Variants in HEMK2 observed in about 807,000 individuals in gnomAD.
HEMK2 encodes the protein methyltransferase HEMK2.
chr21:28,780,324 C>T, the HEMK2 span, among the ~76,000 whole-genome samples: 7 of 151,924 alleles, frequency 4.6e-5, no homozygotes, highest in Non-Finnish European at 7.4e-5. Flanking sequence ...ACTACAGGCG[C>T]GAGCCACCAT....
At chr21:28,790,871 T>C in the HEMK2 span, among the ~76,000 whole-genome samples, 2 of 148,614 alleles carry the variant, frequency 1.3e-5, no homozygotes, top group African/African-American at 4.9e-5. Flanking sequence ...TTAGGAGATA[T>C]ACCTAATGCT....
chr21:28,828,633 C>A, the HEMK2 span, among the ~76,000 whole-genome samples: 1 of 152,172 alleles, frequency 6.6e-6, no homozygotes, highest in South Asian at 2.1e-4. Context: ...CCTTCGACTG[C>A]CAATCCATCA....
chr21:28,877,321 A>C, the HEMK2 span, among the ~76,000 whole-genome samples: 1 of 130,910 alleles, frequency 7.6e-6, no homozygotes, highest in Non-Finnish European at 1.7e-5. Flanking sequence ...AGAGAGAAAG[A>C]AAGAAAAAGA....
chr21:28,729,936 C>G, the HEMK2 span, among the ~76,000 whole-genome samples: 2 of 152,084 alleles, frequency 1.3e-5, no homozygotes, highest in African/African-American at 2.4e-5. Context: ...GTCATCTTTA[C>G]GACCCAATAT....
the HEMK2 span, among the ~76,000 whole-genome samples, chr21:28,756,329 G>T: frequency 6.6e-6 from 1 of 152,100 alleles, no homozygotes; most frequent in Non-Finnish European, 1.5e-5. Context: ...GGCAGATCAT[G>T]CATATACCAT....
chr21:28,688,011 A>G, the HEMK2 span, among the ~76,000 whole-genome samples: 41 of 152,322 alleles, frequency 2.7e-4, no homozygotes, highest in Non-Finnish European at 4.9e-4. Context: ...ATTGATATGA[A>G]TCACTGGTTA....
chr21:28,653,258 A>G, the HEMK2 span, among the ~76,000 whole-genome samples: 27,741 of 150,328 alleles, frequency 0.18, 2,742 homozygotes, highest in East Asian at 0.38. Flanking sequence ...TCCTGCATCA[A>G]TATTGCTTGT....
At chr21:28,644,060 G>A in the HEMK2 span, among the ~76,000 whole-genome samples, 1 of 152,166 alleles carries the variant, frequency 6.6e-6, no homozygotes, top group African/African-American at 2.4e-5. Flanking sequence ...AAACCCCACT[G>A]TACTGATCTG....
At chr21:28,669,136 A>G in the HEMK2 span, among the ~76,000 whole-genome samples, 1 of 152,194 alleles carries the variant, frequency 6.6e-6, no homozygotes. Context: ...AGGTGGGCCA[A>G]TCACTTGAGG....
chr21:28,750,292 T>C, the HEMK2 span, among the ~76,000 whole-genome samples: 1 of 152,254 alleles, frequency 6.6e-6, no homozygotes, highest in Non-Finnish European at 1.5e-5. Context: ...GTAAGTAATC[T>C]ATTCTAAGAC....
chr21:28,658,083 G>T, the HEMK2 span, among the ~76,000 whole-genome samples: 13 of 152,106 alleles, frequency 8.5e-5, no homozygotes, highest in South Asian at 2.3e-3. Context: ...TTATGTTTAT[G>T]ACTCCAAAAC....
chr21:28,618,598 A>T, the HEMK2 span, among the ~76,000 whole-genome samples: 14,367 of 152,216 alleles, frequency 0.094, 789 homozygotes, highest in Middle Eastern at 0.17. Flanking sequence ...TTTTGGATTG[A>T]TCTCCTTCTT....
the HEMK2 span, among the ~76,000 whole-genome samples, chr21:28,809,335 A>T: frequency 6.6e-6 from 1 of 152,190 alleles, no homozygotes; most frequent in Non-Finnish European, 1.5e-5. Flanking sequence ...TAATAACAGA[A>T]GGTCTCAAAT....
chr21:28,811,550 T>C, the HEMK2 span, among the ~76,000 whole-genome samples: 1 of 152,204 alleles, frequency 6.6e-6, no homozygotes, highest in South Asian at 2.1e-4. Context: ...TTAACATTCA[T>C]ATTTAACATA....
chr21:28,863,407 CTTTTAT>C, the HEMK2 span, among the ~76,000 whole-genome samples: 2 of 66,468 alleles, frequency 3.0e-5, no homozygotes, highest in African/African-American at 1.5e-4. Flanking sequence ...AATAAACTCC[CTTTTAT>C]ATATATATAT....
the HEMK2 span, among the ~76,000 whole-genome samples, chr21:28,735,077 C>G: frequency 6.6e-6 from 1 of 152,154 alleles, no homozygotes; most frequent in African/African-American, 2.4e-5. Flanking sequence ...GAAGGCTAGT[C>G]TGGGCATGGC....
the HEMK2 span, among the ~76,000 whole-genome samples, chr21:28,765,299 C>T: frequency 2.6e-5 from 4 of 152,068 alleles, no homozygotes; most frequent in African/African-American, 9.7e-5. Flanking sequence ...ATTATGGTTT[C>T]AGCCTCATGA....
At chr21:28,677,353 G>T in the HEMK2 span, among the ~76,000 whole-genome samples, 1 of 152,204 alleles carries the variant, frequency 6.6e-6, no homozygotes, top group Non-Finnish European at 1.5e-5. Context: ...CTGGGGGACG[G>T]GTGTCCACCA....
At chr21:28,815,014 A>C in the HEMK2 span, among the ~76,000 whole-genome samples, 2 of 152,292 alleles carry the variant, frequency 1.3e-5, no homozygotes, top group East Asian at 3.9e-4. Flanking sequence ...GATTAAGAAA[A>C]TGTGGCACAT....
Sources: gnomAD v4.1 joint callset for allele counts (sites outside exome capture counted in the v4.1 genomes callset) on GRCh38, gnomAD v4.1.1 for gene constraint, MANE v1.5 for transcripts, NCBI Gene and HGNC (gene_info 2026-07-23, HGNC 2026-07-21) for gene names.